Variants in PPDPFL observed in about 807,000 individuals in gnomAD.
PPDPFL encodes the protein pancreatic progenitor cell differentiation and proliferation factor like, also known as pancreatic progenitor cell differentiation and proliferation factor-like protein.
Under a neutral mutation model 12.6 loss-of-function variants are expected in PPDPFL, and 12 were observed. That is an observed-to-expected ratio of 0.95 (90% CI 0.61 to 1.54). PPDPFL has a LOEUF of 1.54. Ranked by LOEUF, PPDPFL falls within the 40% of genes most tolerant of loss-of-function variation. The probability of loss-of-function intolerance (pLI) is 0.00; values close to 1 mark genes in which losing one functional copy is unlikely to be tolerated. For synonymous variants in PPDPFL, 24 were observed against 32.7 expected (o/e 0.73, Z 0.91); for missense variants, 114 against 96.0 (o/e 1.19, Z -0.78).
chr8:49,074,488 T>C, intron 4 of PPDPFL, 155 bp downstream of exon 4: 1 of 1,539,184 alleles, frequency 6.5e-7, no homozygotes, highest in Non-Finnish European at 8.7e-7. Context: ...AGGGTGGCAC[T>C]AACAGAGCTC....
chr8:49,057,494 C>T (rs1434577755), intron 1 of PPDPFL, among the ~76,000 whole-genome samples: 1 of 152,076 alleles, frequency 6.6e-6, no homozygotes, highest in African/African-American at 2.4e-5. Flanking sequence ...AGTGAGTTTG[C>T]AGCCTCTGTA....
Position 49,075,506 on chromosome 8 carries a change from C to A in PPDPFL, c.*333C>A. On this transcript the variant is annotated 3_prime_UTR_variant, in exon 5 of 5. Transcript: ENST00000522267. ...AGTGTGCCTTTAGAAACAAGACACC[C>A]TTTTAAAGTAATATGTCTTCAAATG... 1.8e-6 allele frequency: 1 copy of A among 563,158 alleles called. No individual in the cohort carries two copies. The highest frequency in any genetic ancestry group is 3.2e-5 in the Admixed American group (1 of 31,324). The allele number at this position is 563,158 out of a possible 1,614,324, so 34.9% of individuals were successfully genotyped here.
In PPDPFL at chr8:49,075,626, T is replaced by A. The variant is rs1426541971; in HGVS notation, c.*453T>A. 1 of 245,034 alleles carries A rather than the reference T, an allele frequency of 4.1e-6. No individual in the cohort carries two copies. The highest frequency in any genetic ancestry group is 9.4e-5 in the East Asian group (1 of 10,616). 15.2% of individuals were successfully genotyped at this position (245,034 alleles called of 1,614,324 possible). ...TTTTTCTGTCTGTTGAGTGATTTAT[T>A]TATTATGCCTTAAAACTGACTTGTC... is the stretch of plus-strand genomic sequence containing the variant. On this transcript the variant is annotated 3_prime_UTR_variant, in exon 5 of 5. Coordinates refer to ENST00000522267, the MANE Select transcript of PPDPFL (RefSeq NM_001256597.2).
intron 1 of PPDPFL, among the ~76,000 whole-genome samples, chr8:49,057,122 T>C (rs954300985): frequency 3.3e-5 from 5 of 152,214 alleles, no homozygotes; most frequent in Non-Finnish European, 7.3e-5. Context: ...AAGCCCTTAG[T>C]ACTGTACCCT....
chr8:49,058,851 C>T (rs1426351261), intron 1 of PPDPFL, among the ~76,000 whole-genome samples: 1 of 152,198 alleles, frequency 6.6e-6, no homozygotes, highest in Non-Finnish European at 1.5e-5. Flanking sequence ...AGCGCCACCT[C>T]CACCCACTTT....
Position 49,074,334 on chromosome 8 carries a change from G to T in PPDPFL, c.233+1G>T. 1 of 1,613,376 alleles carries T rather than the reference G, an allele frequency of 6.2e-7. No homozygotes were observed. The highest frequency in any genetic ancestry group is 8.5e-7 in the Non-Finnish European group (1 of 1,179,314). The stretch of plus-strand genomic sequence containing the variant: ...GAATAAAAGATCTGTCTGCTACTGG[G>T]TGAGTTTTAGCCTTCTCTGGTAAGG... On this transcript the variant is annotated splice_donor_variant, in intron 4 of 4. Coordinates refer to ENST00000522267, the MANE Select transcript of PPDPFL (RefSeq NM_001256597.2). LOFTEE classifies it high-confidence loss of function.
At chr8:49,074,467 C>T (rs1009421397) in intron 4 of PPDPFL, 134 bp downstream of exon 4, 1 of 1,542,218 alleles carries the variant, frequency 6.5e-7, no homozygotes, top group Non-Finnish European at 8.7e-7. Flanking sequence ...ATGAAGCGCA[C>T]CTGAGGGATG....
At chr8:49,066,878 G>T (rs920370701) in intron 1 of PPDPFL, among the ~76,000 whole-genome samples, 6 of 152,082 alleles carry the variant, frequency 3.9e-5, no homozygotes, top group African/African-American at 1.4e-4. Flanking sequence ...ACCTCCTCCC[G>T]TGTCCTGGCT....
intron 1 of PPDPFL, 59 bp from the exon 2 acceptor site, chr8:49,072,728 A>T: frequency 1.3e-6 from 1 of 765,850 alleles, no homozygotes; most frequent in Non-Finnish European, 2.1e-6. Flanking sequence ...ACGTGGAAAA[A>T]AGAAAAGGAA....
chr8:49,061,185 A>T (rs919136291), intron 1 of PPDPFL, among the ~76,000 whole-genome samples: 1 of 152,162 alleles, frequency 6.6e-6, no homozygotes, highest in African/African-American at 2.4e-5. Context: ...TAACCTTATA[A>T]TAGGACTGGA....
At chr8:49,055,970 A>G (rs1808106408) in intron 1 of PPDPFL, among the ~76,000 whole-genome samples, 1 of 152,178 alleles carries the variant, frequency 6.6e-6, no homozygotes, top group Admixed American at 6.6e-5. Context: ...GAGAACTGCA[A>G]TAACTTCCTA....
In PPDPFL at chr8:49,075,152, A is replaced by T; in HGVS notation, c.234A>T (p.Gly78=). The change falls in exon 5 of 5, where the codon GGA becomes GGT. Residue 78 remains glycine, a splice_region_variant and synonymous_variant. Coordinates refer to ENST00000522267, the MANE Select transcript of PPDPFL (RefSeq NM_001256597.2). ...TCTGACTACTATAAAATCAACCCAG[A>T]TTACAGATGAGCACTTTGTAGCTGA... ...NVRIKDLSAT[G]LQMSTL The T allele has an allele frequency of 6.2e-7, 1 of 1,613,456 alleles. No individual in the cohort carries two copies. Among genetic ancestry groups the T allele is most frequent in the Middle Eastern group, 1.7e-4 (1 of 6,058 alleles).
At chr8:49,058,257 A>ACTT (rs1808142584) in intron 1 of PPDPFL, among the ~76,000 whole-genome samples, 1 of 152,230 alleles carries the variant, frequency 6.6e-6, no homozygotes, top group African/African-American at 2.4e-5. Flanking sequence ...TAAAAGTCTT[A>ACTT]CTTAAAAGAT....
chr8:49,074,104 T>C lies in PPDPFL; in HGVS notation c.101T>C (p.Val34Ala). The C allele has an allele frequency of 6.2e-7, 1 of 1,613,354 alleles. No homozygotes were observed. The highest frequency in any genetic ancestry group is 8.5e-7 in the Non-Finnish European group (1 of 1,179,332). ...AGTTCTTTAACTAGCTCTGATTCTG[T>C]TAACTTCATAGATGACGACAAACCA... is the stretch of plus-strand genomic sequence containing the variant. ...SVSSLTSSDSVNFIDDDKPQQ... is the reference protein window; with the variant it reads ...SVSSLTSSDSANFIDDDKPQQ... The change falls in exon 3 of 5, where the codon GTT becomes GCT. Residue 34 changes from valine (V) to alanine (A), a missense_variant. Val to Ala is a moderately conservative substitution (Grantham distance 64). Transcript: ENST00000522267.
intron 1 of PPDPFL, among the ~76,000 whole-genome samples, chr8:49,063,465 G>T (rs944199197): frequency 6.6e-6 from 1 of 152,138 alleles, no homozygotes; most frequent in African/African-American, 2.4e-5. Flanking sequence ...CATGCCTGTA[G>T]TCCCAGCACT....
rs1210610115 is a variant in PPDPFL at position 49,075,146 on chromosome 8, A to G, written c.234-6A>G. ...CTCCTCTCTGACTACTATAAAATCA[A>G]CCCAGATTACAGATGAGCACTTTGT... On this transcript the variant is annotated splice_polypyrimidine_tract_variant and splice_region_variant and intron_variant, in intron 4 of 4. Transcript: ENST00000522267. The G allele has an allele frequency of 3.1e-6, 5 of 1,613,180 alleles. No homozygotes were observed. In the Admixed American group the frequency reaches 6.7e-5, roughly 22 times the overall value.
At chr8:49,057,557 T>C (rs1457832838) in intron 1 of PPDPFL, among the ~76,000 whole-genome samples, 1 of 152,174 alleles carries the variant, frequency 6.6e-6, no homozygotes, top group Non-Finnish European at 1.5e-5. Flanking sequence ...CCATGAGCAA[T>C]TCTACATAAA....
At chr8:49,072,676 A>G (rs1261152443) in intron 1 of PPDPFL, 111 bp from the exon 2 acceptor site, 1 of 527,526 alleles carries the variant, frequency 1.9e-6, no homozygotes, top group Non-Finnish European at 3.3e-6. Flanking sequence ...TCCTTTTATC[A>G]TATATTTATT....
chr8:49,057,640 C>A lies in PPDPFL; in HGVS notation c.-45+3271C>A, dbSNP rs539790457. ...ACACTCACCAAAAGGCCTACACTCACCAAAAAATGCTGCTACAAAGTCAAA... is the reference window on the plus strand; with the variant it reads ...ACACTCACCAAAAGGCCTACACTCAACAAAAAATGCTGCTACAAAGTCAAA... On this transcript the variant is annotated intron_variant, in intron 1 of 4. Transcript: ENST00000517663. Among the ~76,000 whole-genome samples, 4 of 152,114 alleles carry A rather than the reference C, an allele frequency of 2.6e-5. No homozygotes were observed. In the East Asian group the frequency reaches 5.8e-4, roughly 22 times the overall value.
Sources: gnomAD v4.1 joint callset for allele counts (sites outside exome capture counted in the v4.1 genomes callset) on GRCh38, gnomAD v4.1.1 for gene constraint, MANE v1.5 for transcripts, NCBI Gene and HGNC (gene_info 2026-07-23, HGNC 2026-07-21) for gene names.